The following PPA2 variants were observed in gnomAD, a reference collection of about 807,000 sequenced individuals.
PPA2 encodes the protein inorganic pyrophosphatase 2.
PPA2 carries 48 observed loss-of-function variants against 49.5 expected under a neutral mutation model. That is an observed-to-expected ratio of 0.97 (90% CI 0.77 to 1.23). The LOEUF is 1.23. Among genes scored for constraint, PPA2 ranks in the 50% most tolerant of loss-of-function variants. PPA2 has a pLI of 0.00. For synonymous variants in PPA2, 131 were observed against 139.9 expected, an observed-to-expected ratio of 0.94 and a Z score of 0.45; for missense variants, 429 against 410.1, an observed-to-expected ratio of 1.05 and a Z score of -0.40.
chr4:105,455,899 T>C (rs1722857980), intron 2 of PPA2, among the ~76,000 whole-genome samples: 1 of 152,218 alleles, frequency 6.6e-6, no homozygotes, highest in Non-Finnish European at 1.5e-5. Context: ...GTCCTGGTTA[T>C]TTACTTAATA....
intron 7 of PPA2, among the ~76,000 whole-genome samples, chr4:105,414,978 A>G (rs1485693451): frequency 1.3e-5 from 2 of 152,030 alleles, no homozygotes; most frequent in East Asian, 1.9e-4. Context: ...CTCAGCAGAG[A>G]GGACATCCAG....
At chr4:105,472,180 A>C (rs1222413869) in intron 1 of PPA2, among the ~76,000 whole-genome samples, 1 of 152,218 alleles carries the variant, frequency 6.6e-6, no homozygotes, top group Non-Finnish European at 1.5e-5. Context: ...ACAGCTGAAG[A>C]AACTGGCTCT....
intron 10 of PPA2, among the ~76,000 whole-genome samples, chr4:105,380,714 C>T (rs753824446): frequency 9.9e-5 from 15 of 152,164 alleles, no homozygotes; most frequent in Non-Finnish European, 1.8e-4. Context: ...ATTTATGTTT[C>T]TAAAATGTAA....
chr4:105,391,005 A>G (rs1170796587), intron 9 of PPA2, among the ~76,000 whole-genome samples: 1 of 147,184 alleles, frequency 6.8e-6, no homozygotes, highest in Non-Finnish European at 1.5e-5. Context: ...CTACGTAGCC[A>G]TAAAAAGGAA....
intron 3 of PPA2, among the ~76,000 whole-genome samples, chr4:105,450,943 T>G (rs545762987): frequency 7.2e-5 from 11 of 152,182 alleles, no homozygotes; most frequent in Non-Finnish European, 1.3e-4. Context: ...TTGCATTTTT[T>G]TTAAGTATCT....
At chr4:105,472,740 C>G (rs1244999082) in intron 1 of PPA2, among the ~76,000 whole-genome samples, 3 of 152,210 alleles carry the variant, frequency 2.0e-5, no homozygotes, top group African/African-American at 7.2e-5. Flanking sequence ...TAGGCAAACT[C>G]TTCTTTCCCA....
intron 5 of PPA2, among the ~76,000 whole-genome samples, chr4:105,439,364 C>A (rs775652987): frequency 7.2e-5 from 11 of 152,118 alleles, no homozygotes; most frequent in Non-Finnish European, 1.5e-4. Flanking sequence ...TCAAATATAA[C>A]CCCATCTACT....
chr4:105,423,998 G>A (rs1234586942), intron 7 of PPA2, among the ~76,000 whole-genome samples, 198 bp downstream of exon 7: 2 of 152,090 alleles, frequency 1.3e-5, no homozygotes, highest in African/African-American at 4.8e-5. Flanking sequence ...GAGGTGACAG[G>A]AGAGGGAAGA....
Position 105,437,119 on chromosome 4 carries a change from A to C in PPA2, c.528+831T>G, listed in dbSNP as rs542359052. Among the ~76,000 whole-genome samples, 10 of 152,310 alleles carry C rather than the reference A, an allele frequency of 6.6e-5. No individual in the cohort carries two copies. The East Asian group carries it at 1.9e-3, about 29-fold the overall frequency. ...CAACTCAACAAGAAAAACATTAAAA[A>C]GTGCGCAAAGGCCACGAACCAACAT... is the stretch of plus-strand genomic sequence containing the variant. On this transcript the variant is annotated intron_variant, in intron 6 of 11. Coordinates refer to ENST00000341695, the MANE Select transcript of PPA2 (RefSeq NM_176869.3).
chr4:105,387,649 A>G (rs192531197), intron 9 of PPA2, among the ~76,000 whole-genome samples: 1 of 152,316 alleles, frequency 6.6e-6, no homozygotes, highest in Admixed American at 6.5e-5. Context: ...TGGCATGAAT[A>G]GAATCTGATG....
intron 6 of PPA2, among the ~76,000 whole-genome samples, chr4:105,429,593 T>C (rs1477697060): frequency 6.6e-6 from 1 of 152,212 alleles, no homozygotes; most frequent in East Asian, 1.9e-4. Flanking sequence ...TGGACCTGTT[T>C]ACAGTTTCAA....
At chr4:105,465,475 A>G (rs926015077) in intron 1 of PPA2, among the ~76,000 whole-genome samples, 2 of 152,106 alleles carry the variant, frequency 1.3e-5, no homozygotes, top group East Asian at 3.8e-4. Context: ...TCTCCAGTGT[A>G]GATCTATCAT....
intron 2 of PPA2, among the ~76,000 whole-genome samples, chr4:105,455,644 T>C (rs1346454594): frequency 6.6e-6 from 1 of 152,328 alleles, no homozygotes; most frequent in South Asian, 2.1e-4. Context: ...ATTATTGATA[T>C]TATTCTACTG....
intron 4 of PPA2, among the ~76,000 whole-genome samples, chr4:105,447,249 T>C (rs1319603312): frequency 2.6e-5 from 4 of 152,066 alleles, no homozygotes; most frequent in African/African-American, 7.2e-5. Context: ...GCAACATGGA[T>C]GAAACTGGAG....
intron 9 of PPA2, among the ~76,000 whole-genome samples, chr4:105,395,137 T>A (rs1426935786): frequency 6.6e-6 from 1 of 151,518 alleles, no homozygotes; most frequent in Non-Finnish European, 1.5e-5. Flanking sequence ...GCCAAGGAGT[T>A]GACAGTGTTT....
At chr4:105,391,993 A>C (rs892975560) in intron 9 of PPA2, among the ~76,000 whole-genome samples, 1 of 151,908 alleles carries the variant, frequency 6.6e-6, no homozygotes, top group African/African-American at 2.4e-5. Flanking sequence ...CAAAACTTGA[A>C]AAATATGTAA....
chr4:105,464,356 G>A (rs1723213805), intron 1 of PPA2, among the ~76,000 whole-genome samples: 1 of 152,194 alleles, frequency 6.6e-6, no homozygotes, highest in African/African-American at 2.4e-5. Flanking sequence ...TGCCCCCATT[G>A]TATCTAAGAA....
chr4:105,470,407 G>C (rs1314217565), intron 1 of PPA2, among the ~76,000 whole-genome samples: 1 of 152,328 alleles, frequency 6.6e-6, no homozygotes, highest in Non-Finnish European at 1.5e-5. Flanking sequence ...GATCGCTTGA[G>C]CTGGGGAAGT....
chr4:105,456,448 G>A (rs548565905), intron 2 of PPA2: 4 of 484,056 alleles, frequency 8.3e-6, no homozygotes, highest in Admixed American at 3.5e-5. Flanking sequence ...ATTTCCTACC[G>A]AATTCTAAGT....
Sources: allele counts gnomAD v4.1 joint callset (sites outside exome capture counted in the v4.1 genomes callset), GRCh38; gene constraint gnomAD v4.1.1; transcripts MANE v1.5; gene names NCBI Gene and HGNC (gene_info 2026-07-23, HGNC 2026-07-21).